The following DMRT1 variants were observed in gnomAD, a reference collection of about 807,000 sequenced individuals.
DMRT1 encodes the protein doublesex and mab-3 related transcription factor 1, also known as doublesex- and mab-3-related transcription factor 1.
DMRT1 carries 7 observed loss-of-function variants against 32.3 expected under a neutral mutation model. The ratio of observed to expected loss-of-function variants is 0.22; its 90% confidence interval spans 0.12 to 0.41. DMRT1 has a LOEUF of 0.41. Among genes scored for constraint, DMRT1 ranks in the 10% least tolerant of loss-of-function variants. The pLI, the probability that DMRT1 is intolerant of heterozygous loss-of-function variation, is 1.00. For synonymous variants in DMRT1, 278 were observed against 206.1 expected (o/e 1.35, Z -2.99); for missense variants, 625 against 500.5 (o/e 1.25, Z -2.37).
At chr9:902,736 A>G (rs956582126) in intron 3 of DMRT1, among the ~76,000 whole-genome samples, 2 of 149,354 alleles carry the variant, frequency 1.3e-5, no homozygotes, top group Admixed American at 6.8e-5. Context: ...TGATCCGCCC[A>G]CCTCAGCTTC....
chr9:843,436 G>C (rs1488545798), intron 1 of DMRT1, among the ~76,000 whole-genome samples: 1 of 152,244 alleles, frequency 6.6e-6, no homozygotes, highest in African/African-American at 2.4e-5. Flanking sequence ...GAAGATTAAA[G>C]TGCAAATTAC....
chr9:878,200 G>GCCCCCCCCCCCCC (rs34336062), intron 2 of DMRT1, among the ~76,000 whole-genome samples: 11 of 94,050 alleles, frequency 1.2e-4, no homozygotes, highest in African/African-American at 2.2e-4. Context: ...TGCAGCTGCT[G>GCCCCCCCCCCCCC]CCCCCCCCCC....
At chr9:858,864 AAAAAAAATATATATAT>A (rs1192705696) in intron 2 of DMRT1, among the ~76,000 whole-genome samples, 2 of 29,022 alleles carry the variant, frequency 6.9e-5, no homozygotes, top group African/African-American at 1.6e-4. Context: ...AAAAAAAAAA[AAAAAAAATATATATAT>A]ATATATATAT....
intron 4 of DMRT1, among the ~76,000 whole-genome samples, chr9:945,040 A>G (rs961237697): frequency 6.6e-6 from 1 of 152,220 alleles, no homozygotes; most frequent in South Asian, 2.1e-4. Context: ...GAAATCTACT[A>G]CAAGTTTTAT....
chr9:951,572 A>G (rs182888535), intron 4 of DMRT1, among the ~76,000 whole-genome samples: 24 of 152,324 alleles, frequency 1.6e-4, no homozygotes, highest in African/African-American at 5.3e-4. Context: ...TAAAATGAAA[A>G]TATCAACAAG....
At chr9:900,709 G>A (rs1264582875) in intron 3 of DMRT1, among the ~76,000 whole-genome samples, 1 of 149,440 alleles carries the variant, frequency 6.7e-6, no homozygotes, top group African/African-American at 2.5e-5. Context: ...TTTGGAGACA[G>A]CGTCTTGCTC....
At chr9:891,723 A>G (rs1817159559) in intron 2 of DMRT1, among the ~76,000 whole-genome samples, 1 of 150,410 alleles carries the variant, frequency 6.6e-6, no homozygotes, top group South Asian at 2.1e-4. Flanking sequence ...ACAGGGTTTC[A>G]CCGTGTTAGC....
At chr9:859,571 C>T (rs11788435) in intron 2 of DMRT1, among the ~76,000 whole-genome samples, 47,631 of 151,840 alleles carry the variant, frequency 0.31, 8,228 homozygotes, top group African/African-American at 0.47. Flanking sequence ...TTCCAAATCA[C>T]AAAAAAATCC....
intron 4 of DMRT1, among the ~76,000 whole-genome samples, chr9:957,980 G>T (rs898309017): frequency 2.0e-5 from 3 of 152,168 alleles, no homozygotes; most frequent in African/African-American, 7.2e-5. Flanking sequence ...CTGCATTCCA[G>T]CTTGGGGGAT....
chr9:884,551 A>G (rs891951477), intron 2 of DMRT1, among the ~76,000 whole-genome samples: 2 of 152,148 alleles, frequency 1.3e-5, no homozygotes, highest in Non-Finnish European at 2.9e-5. Context: ...TGTGGGACAA[A>G]TGCTATTGGT....
chr9:854,301 T>G (rs929136474), intron 2 of DMRT1, among the ~76,000 whole-genome samples: 1 of 151,822 alleles, frequency 6.6e-6, no homozygotes, highest in Non-Finnish European at 1.5e-5. Flanking sequence ...TTATTTATTT[T>G]TGGGAAACAG....
chr9:908,822 C>A (rs1041220274), intron 3 of DMRT1, among the ~76,000 whole-genome samples: 4 of 152,112 alleles, frequency 2.6e-5, no homozygotes. Context: ...CTCCACTCCT[C>A]CCCCGTTTTC....
chr9:858,319 C>T (rs116543343), intron 2 of DMRT1, among the ~76,000 whole-genome samples: 7,643 of 152,052 alleles, frequency 0.05, 652 homozygotes, highest in African/African-American at 0.18. Context: ...CTTACGCTTG[C>T]TGCCATAGGG....
intron 3 of DMRT1, among the ~76,000 whole-genome samples, chr9:903,410 C>G (rs911811365): frequency 6.6e-6 from 1 of 152,178 alleles, no homozygotes; most frequent in Non-Finnish European, 1.5e-5. Flanking sequence ...AAGTGATGAT[C>G]GTGACAGTCA....
chr9:962,651 C>T (rs1165295599), intron 4 of DMRT1, among the ~76,000 whole-genome samples: 1 of 152,104 alleles, frequency 6.6e-6, no homozygotes, highest in Non-Finnish European at 1.5e-5. Context: ...GAAGGAACGC[C>T]TGGCCGTGAG....
intron 4 of DMRT1, among the ~76,000 whole-genome samples, chr9:933,206 C>T (rs1268349877): frequency 6.6e-6 from 1 of 152,150 alleles, no homozygotes; most frequent in Non-Finnish European, 1.5e-5. Flanking sequence ...TGTGAGCCAC[C>T]ACGCCCCGGT....
chr9:933,340 C>T (rs929781389), intron 4 of DMRT1, among the ~76,000 whole-genome samples: 1 of 152,210 alleles, frequency 6.6e-6, no homozygotes, highest in Non-Finnish European at 1.5e-5. Context: ...ACATCCTTAG[C>T]ACTCAGGAAA....
intron 2 of DMRT1, among the ~76,000 whole-genome samples, chr9:862,511 TGGGGAG>T (rs201404850): frequency 0.042 from 513 of 12,266 alleles, 1 homozygote; most frequent in East Asian, 0.14. Flanking sequence ...GACCGTGCAA[TGGGGAG>T]GGGGAGGGGG....
At chr9:851,956 T>C (rs1429688699) in intron 2 of DMRT1, among the ~76,000 whole-genome samples, 1 of 151,922 alleles carries the variant, frequency 6.6e-6, no homozygotes, top group African/African-American at 2.4e-5. Context: ...TGTTTTTTTT[T>C]TTTGAGACAG....
Sources: gnomAD v4.1 joint callset for allele counts (sites outside exome capture counted in the v4.1 genomes callset) on GRCh38, gnomAD v4.1.1 for gene constraint, MANE v1.5 for transcripts, NCBI Gene and HGNC (gene_info 2026-07-23, HGNC 2026-07-21) for gene names.